Variants in DSCAM observed in about 807,000 individuals in gnomAD.
DSCAM encodes the protein DS cell adhesion molecule, also known as cell adhesion molecule DSCAM.
Under a neutral mutation model 217.7 loss-of-function variants are expected in DSCAM, and 47 were observed. That is an observed-to-expected ratio of 0.22 (90% CI 0.17 to 0.28). The LOEUF (loss-of-function observed/expected upper bound fraction) is 0.28, where lower values mean the gene tolerates loss of function less well. Among genes scored for constraint, DSCAM ranks in the 10% least tolerant of loss-of-function variants. The pLI, the probability that DSCAM is intolerant of heterozygous loss-of-function variation, is 1.00. For missense variants in DSCAM, 2,080 were observed against 2,618.3 expected, an observed-to-expected ratio of 0.79 and a Z score of 4.49; for synonymous variants, 1,056 against 1,015.3, an observed-to-expected ratio of 1.04 and a Z score of -0.76.
intron 3 of DSCAM, among the ~76,000 whole-genome samples, chr21:40,518,518 AAT>A (rs57031415): frequency 0.58 from 15,524 of 26,962 alleles, 5,036 homozygotes; most frequent in Non-Finnish European, 0.6. Flanking sequence ...TAATATATAT[AAT>A]ATATATTTTA....
intron 1 of DSCAM, among the ~76,000 whole-genome samples, chr21:40,840,164 CTTTCA>C (rs2092088426): frequency 6.6e-6 from 1 of 151,906 alleles, no homozygotes; most frequent in Non-Finnish European, 1.5e-5. Flanking sequence ...TTAAGATATC[CTTTCA>C]TGTTACTTTG....
intron 4 of DSCAM, among the ~76,000 whole-genome samples, chr21:40,364,787 T>C (rs996101227): frequency 1.4e-5 from 2 of 147,224 alleles, no homozygotes; most frequent in African/African-American, 5.0e-5. Context: ...TATACACACA[T>C]ACATATATAT....
Position 40,431,517 on chromosome 21 carries a change from A to G in DSCAM, c.509-62272T>C, listed in dbSNP as rs1234216160. On this transcript the variant is annotated intron_variant, in intron 3 of 32. Coordinates refer to ENST00000400454, the MANE Select transcript of DSCAM (RefSeq NM_001389.5). ...AAGACGGAGACCTTTATGACTCCTC[A>G]GCCTACTCAATGTGAAGATGATGAA... 4.6e-5 allele frequency among the ~76,000 whole-genome samples: 7 copies of G among 152,326 alleles called. No homozygotes were observed. In the East Asian group the frequency reaches 9.7e-4, roughly 21 times the overall value.
At chr21:40,168,193 A>T (rs1045550965) in intron 15 of DSCAM, among the ~76,000 whole-genome samples, 1 of 152,336 alleles carries the variant, frequency 6.6e-6, no homozygotes, top group East Asian at 1.9e-4. Context: ...TGAGTGTGCA[A>T]TAAGTCAGTG....
chr21:40,807,109 GAATCAATCAATCAATC>G (rs138377770), intron 1 of DSCAM, among the ~76,000 whole-genome samples: 3 of 151,116 alleles, frequency 2.0e-5, no homozygotes, highest in African/African-American at 4.9e-5. Context: ...AAAGTATAAT[GAATCAATCAATCAATC>G]AATCAATCAA....
intron 20 of DSCAM, among the ~76,000 whole-genome samples, chr21:40,104,855 G>T (rs1057145102): frequency 2.0e-5 from 3 of 152,100 alleles, no homozygotes; most frequent in Admixed American, 1.3e-4. Flanking sequence ...ACCTAAAACT[G>T]CTTAAAAAAT....
rs1436988704 is a variant in DSCAM, at chr21:40,637,594, AATAT to A, written c.508+55212_508+55215del. ...ATATATATAAATATATACATATATA[AATAT>A]ATATATAAATATATATAAATATATA... On this transcript the variant is annotated intron_variant, in intron 3 of 32. Coordinates refer to ENST00000400454, the MANE Select transcript of DSCAM (RefSeq NM_001389.5). Among the ~76,000 whole-genome samples the A allele has an allele frequency of 1.1e-4, 4 of 35,556 alleles. 2 individuals carry two copies. Among genetic ancestry groups the A allele is most frequent in the African/African-American group, 2.3e-4 (2 of 8,602 alleles). The allele number at this position is 35,556 out of a possible 152,430, so 23.3% of individuals were successfully genotyped here. A position where few individuals can be genotyped will look rare whatever the true frequency, so the allele number is the denominator to read the frequency against.
intron 18 of DSCAM, among the ~76,000 whole-genome samples, chr21:40,142,109 C>G (rs1326930233): frequency 6.6e-6 from 1 of 152,030 alleles, no homozygotes; most frequent in African/African-American, 2.4e-5. Context: ...CCTGAGTGCC[C>G]CCCTCCATGT....
chr21:40,354,953 T>G (rs1411460901), intron 4 of DSCAM, among the ~76,000 whole-genome samples: 1 of 152,174 alleles, frequency 6.6e-6, no homozygotes, highest in Admixed American at 6.5e-5. Context: ...CTTTTGAATT[T>G]TAAAACATTT....
At chr21:40,133,137 C>A (rs2090170919) in intron 19 of DSCAM, among the ~76,000 whole-genome samples, 2 of 152,348 alleles carry the variant, frequency 1.3e-5, no homozygotes, top group South Asian at 4.1e-4. Flanking sequence ...TTTCTCACTA[C>A]CACGGTAGTA....
At chr21:40,517,199 T>C (rs1390587078) in intron 3 of DSCAM, among the ~76,000 whole-genome samples, 3 of 149,190 alleles carry the variant, frequency 2.0e-5, no homozygotes, top group Non-Finnish European at 4.4e-5. Flanking sequence ...TCTCTGCATA[T>C]ACATATATAT....
At chr21:40,619,495 C>T (rs1166130412) in intron 3 of DSCAM, among the ~76,000 whole-genome samples, 3 of 152,072 alleles carry the variant, frequency 2.0e-5, no homozygotes, top group African/African-American at 4.8e-5. Context: ...TGTTCACAAG[C>T]ATGAAATAAA....
intron 1 of DSCAM, among the ~76,000 whole-genome samples, chr21:40,789,991 T>G (rs2091626275): frequency 6.6e-6 from 1 of 152,134 alleles, no homozygotes; most frequent in Admixed American, 6.5e-5. Flanking sequence ...CTTTGCCAAT[T>G]TAGCGGAAAT....
intron 11 of DSCAM, among the ~76,000 whole-genome samples, chr21:40,200,520 T>G (rs1382878967): frequency 6.6e-6 from 1 of 152,256 alleles, no homozygotes; most frequent in Non-Finnish European, 1.5e-5. Context: ...TCAAGATATG[T>G]GTACACAGCA....
intron 1 of DSCAM, among the ~76,000 whole-genome samples, chr21:40,779,211 G>A (rs1221843700): frequency 6.6e-6 from 1 of 152,036 alleles, no homozygotes; most frequent in Admixed American, 6.6e-5. Context: ...GGGAATGAAA[G>A]GTATTTTGGG....
chr21:40,367,307 C>A (rs1290307882), intron 4 of DSCAM, among the ~76,000 whole-genome samples: 1 of 152,300 alleles, frequency 6.6e-6, no homozygotes, highest in East Asian at 1.9e-4. Flanking sequence ...TCCACCTCTG[C>A]TGCTGGTCCT....
chr21:40,567,860 T>A (rs1321745822), intron 3 of DSCAM, among the ~76,000 whole-genome samples: 1 of 152,218 alleles, frequency 6.6e-6, no homozygotes, highest in Non-Finnish European at 1.5e-5. Context: ...AACATTAAAA[T>A]TCAGTCTTTA....
chr21:40,234,033 G>C (rs1785440572), intron 11 of DSCAM, among the ~76,000 whole-genome samples: 1 of 152,196 alleles, frequency 6.6e-6, no homozygotes, highest in African/African-American at 2.4e-5. Context: ...TTCTTAACCA[G>C]AAGGCCCATG....
At chr21:40,205,276 G>T (rs2091112142) in intron 11 of DSCAM, among the ~76,000 whole-genome samples, 1 of 152,124 alleles carries the variant, frequency 6.6e-6, no homozygotes, top group South Asian at 2.1e-4. Context: ...GGGGGCCTTA[G>T]CAGGTTTCAT....
Sources: allele counts gnomAD v4.1 joint callset (sites outside exome capture counted in the v4.1 genomes callset), GRCh38; gene constraint gnomAD v4.1.1; transcripts MANE v1.5; gene names NCBI Gene and HGNC (gene_info 2026-07-23, HGNC 2026-07-21).